CNTNAP5: variants seen among roughly 807,000 people sequenced by gnomAD.
CNTNAP5 encodes the protein contactin associated protein family member 5.
In CNTNAP5, 72 loss-of-function variants were observed where a neutral mutation model predicts 150.2. The observed-to-expected ratio is 0.48, with a 90% CI of 0.40 to 0.58. The LOEUF (loss-of-function observed/expected upper bound fraction) is 0.58, where lower values mean the gene tolerates loss of function less well. Ranked by LOEUF, CNTNAP5 falls within the 20% of genes least tolerant of loss-of-function variation. The pLI, the probability that CNTNAP5 is intolerant of heterozygous loss-of-function variation, is 0.00. For missense variants in CNTNAP5, 1,636 were observed against 1,626.2 expected, an observed-to-expected ratio of 1.01 and a Z score of -0.10; for synonymous variants, 672 against 619.8, an observed-to-expected ratio of 1.08 and a Z score of -1.25.
chr2:124,131,303 T>C (rs1683837329), intron 1 of CNTNAP5, among the ~76,000 whole-genome samples: 1 of 152,228 alleles, frequency 6.6e-6, no homozygotes, highest in Non-Finnish European at 1.5e-5. Context: ...TCACACATTC[T>C]ATATGCAAAA....
At chr2:124,462,379 T>C (rs2104822226) in intron 6 of CNTNAP5, among the ~76,000 whole-genome samples, 1 of 152,360 alleles carries the variant, frequency 6.6e-6, no homozygotes, top group African/African-American at 2.4e-5. Context: ...TTGCTAACTT[T>C]ATATTTCTTC....
At chr2:124,506,006 A>G (rs1694397999) in intron 8 of CNTNAP5, among the ~76,000 whole-genome samples, 1 of 152,190 alleles carries the variant, frequency 6.6e-6, no homozygotes, top group South Asian at 2.1e-4. Context: ...GCAAAAATTA[A>G]GTTAAATTGT....
At chr2:124,532,919 A>G (rs1327430577) in intron 10 of CNTNAP5, among the ~76,000 whole-genome samples, 7 of 152,076 alleles carry the variant, frequency 4.6e-5, no homozygotes, top group Non-Finnish European at 8.8e-5. Context: ...CCGGTTCTCT[A>G]GTTTCCATGG....
intron 21 of CNTNAP5, among the ~76,000 whole-genome samples, chr2:124,876,469 A>T (rs567692258): frequency 2.0e-5 from 3 of 151,560 alleles, no homozygotes; most frequent in Non-Finnish European, 2.9e-5. Flanking sequence ...TTAAGAGGAG[A>T]GAAGAGGGTG....
At chr2:124,123,574 G>A (rs867437122) in intron 1 of CNTNAP5, among the ~76,000 whole-genome samples, 1 of 152,162 alleles carries the variant, frequency 6.6e-6, no homozygotes, top group Non-Finnish European at 1.5e-5. Flanking sequence ...CCAACATGGA[G>A]TTTGAGATAT....
At chr2:124,687,540 T>G in intron 13 of CNTNAP5, among the ~76,000 whole-genome samples, 1 of 152,082 alleles carries the variant, frequency 6.6e-6, no homozygotes, top group Admixed American at 6.6e-5. Flanking sequence ...TTTTCTTAAC[T>G]TCCTCTCTTG....
chr2:124,808,341 C>T (rs1682124722), intron 19 of CNTNAP5, among the ~76,000 whole-genome samples: 2 of 152,122 alleles, frequency 1.3e-5, no homozygotes, highest in Admixed American at 6.5e-5. Context: ...CACGGTGGCT[C>T]ATGCTTGTAA....
At chr2:124,099,784 A>G (rs1683023235) in intron 1 of CNTNAP5, among the ~76,000 whole-genome samples, 1 of 152,190 alleles carries the variant, frequency 6.6e-6, no homozygotes, top group South Asian at 2.1e-4. Context: ...CAGGACCAAG[A>G]GAACAAGGCG....
chr2:124,513,908 A>T (rs1212389809), intron 8 of CNTNAP5, among the ~76,000 whole-genome samples: 1 of 152,222 alleles, frequency 6.6e-6, no homozygotes, highest in Non-Finnish European at 1.5e-5. Context: ...CCTTTCTCAT[A>T]GAAGCCATTT....
At chr2:124,372,481 A>T (rs1166158882) in intron 3 of CNTNAP5, among the ~76,000 whole-genome samples, 2 of 152,130 alleles carry the variant, frequency 1.3e-5, no homozygotes, top group African/African-American at 4.8e-5. Context: ...ATACGGAAGG[A>T]TTTATATCTT....
At chr2:124,560,047 T>C (rs762106715) in intron 10 of CNTNAP5, among the ~76,000 whole-genome samples, 4 of 152,218 alleles carry the variant, frequency 2.6e-5, no homozygotes, top group African/African-American at 9.7e-5. Context: ...TTAATAAAGA[T>C]GTAGTTTCTA....
intron 3 of CNTNAP5, among the ~76,000 whole-genome samples, chr2:124,258,284 C>A (rs976388077): frequency 4.6e-5 from 7 of 152,226 alleles, no homozygotes; most frequent in Middle Eastern, 3.4e-3. Context: ...AGATTAGCCA[C>A]ATAATAATGC....
At chr2:124,188,888 T>G (rs1685397377) in intron 1 of CNTNAP5, among the ~76,000 whole-genome samples, 1 of 152,086 alleles carries the variant, frequency 6.6e-6, no homozygotes, top group African/African-American at 2.4e-5. Context: ...TCATGAAAAA[T>G]TGGATTAATC....
intron 3 of CNTNAP5, among the ~76,000 whole-genome samples, chr2:124,283,757 G>T (rs1688076641): frequency 6.6e-6 from 1 of 152,194 alleles, no homozygotes; most frequent in Non-Finnish European, 1.5e-5. Context: ...AGATCAAGGT[G>T]CTGGCACAGT....
Position 124,483,242 on chromosome 2 carries a change from C to T in CNTNAP5, c.1062+8360C>T, listed in dbSNP as rs575554102. ...TCCTGGAGCCCCCAGGCTATGCTAACCCAGAAACCTGGAGTTGCTACATTG... is the reference window on the plus strand; with the variant it reads ...TCCTGGAGCCCCCAGGCTATGCTAATCCAGAAACCTGGAGTTGCTACATTG... On this transcript the variant is annotated intron_variant, in intron 7 of 23. Transcript: ENST00000682447. Among the ~76,000 whole-genome samples, 50 of 152,278 alleles carry T rather than the reference C, an allele frequency of 3.3e-4. No homozygotes were observed. The South Asian group carries it at 0.01, about 31-fold the overall frequency.
At chr2:124,080,708 T>C (rs2104674117) in intron 1 of CNTNAP5, among the ~76,000 whole-genome samples, 2 of 152,322 alleles carry the variant, frequency 1.3e-5, no homozygotes, top group African/African-American at 4.8e-5. Context: ...GAAAATACCT[T>C]GACTGAAATT....
At chr2:124,495,625 T>G (rs1462364423) in intron 7 of CNTNAP5, among the ~76,000 whole-genome samples, 1 of 152,214 alleles carries the variant, frequency 6.6e-6, no homozygotes, top group Non-Finnish European at 1.5e-5. Context: ...CTCGTGGATG[T>G]CTCTCAAATG....
At chr2:124,637,419 A>G (rs1285176617) in intron 12 of CNTNAP5, among the ~76,000 whole-genome samples, 1 of 152,226 alleles carries the variant, frequency 6.6e-6, no homozygotes. Flanking sequence ...AAGTCTCATG[A>G]ACAATGCTTG....
chr2:124,483,339 A>T (rs1236530617), intron 7 of CNTNAP5, among the ~76,000 whole-genome samples: 1 of 152,192 alleles, frequency 6.6e-6, no homozygotes, highest in African/African-American at 2.4e-5. Context: ...GGAGCTTGGG[A>T]CCAGTGGCTA....
Sources: gnomAD v4.1 joint callset for allele counts (sites outside exome capture counted in the v4.1 genomes callset) on GRCh38, gnomAD v4.1.1 for gene constraint, MANE v1.5 for transcripts, NCBI Gene and HGNC (gene_info 2026-07-23, HGNC 2026-07-21) for gene names.